Variants in MARCHF1 observed in about 807,000 individuals in gnomAD.
MARCHF1 encodes the protein E3 ubiquitin-protein ligase MARCHF1.
A neutral mutation model predicts 54.2 loss-of-function variants in MARCHF1; 40 were observed. The ratio of observed to expected loss-of-function variants is 0.74; its 90% CI spans 0.57 to 0.96. MARCHF1 has a LOEUF of 0.96. MARCHF1 is among the 40% of genes least tolerant of loss of function. The pLI is 0.00. For missense variants in MARCHF1, 586 were observed against 656.5 expected (o/e 0.89, Z 1.17); for synonymous variants, 236 against 236.3 (o/e 1.00, Z 0.01).
At chr4:164,009,704 T>G (rs1444494297) in intron 2 of MARCHF1, among the ~76,000 whole-genome samples, 2 of 152,110 alleles carry the variant, frequency 1.3e-5, no homozygotes, top group Admixed American at 1.3e-4. Context: ...ATGTGATTAT[T>G]GCAATAGATG....
chr4:164,044,670 CT>C (rs1334751106), intron 2 of MARCHF1, among the ~76,000 whole-genome samples: 1 of 152,092 alleles, frequency 6.6e-6, no homozygotes, highest in African/African-American at 2.4e-5. Flanking sequence ...TACTTGCTTT[CT>C]ATCTTTCTCT....
At chr4:164,258,034 A>C (rs980010275) in intron 1 of MARCHF1, among the ~76,000 whole-genome samples, 1 of 152,196 alleles carries the variant, frequency 6.6e-6, no homozygotes, top group Non-Finnish European at 1.5e-5. Flanking sequence ...TGGATAAAGA[A>C]AATGTGGTAC....
At chr4:163,586,685 T>C (rs984783873) in intron 7 of MARCHF1, among the ~76,000 whole-genome samples, 11 of 152,220 alleles carry the variant, frequency 7.2e-5, no homozygotes, top group Non-Finnish European at 1.6e-4. Flanking sequence ...AACAGGATAC[T>C]ATCTATGGGC....
intron 9 of MARCHF1, among the ~76,000 whole-genome samples, chr4:163,529,535 G>A (rs1738273077): frequency 6.6e-6 from 1 of 152,004 alleles, no homozygotes; most frequent in Non-Finnish European, 1.5e-5. Context: ...AGGAATGGAA[G>A]AAGGGAGATG....
At chr4:163,591,329 A>C (rs373942579) in intron 7 of MARCHF1, among the ~76,000 whole-genome samples, 1 of 151,984 alleles carries the variant, frequency 6.6e-6, no homozygotes. Context: ...GACTCATCTA[A>C]ATTTCAGACT....
At chr4:164,256,770 A>G (rs1733300322) in intron 1 of MARCHF1, among the ~76,000 whole-genome samples, 1 of 152,204 alleles carries the variant, frequency 6.6e-6, no homozygotes. Flanking sequence ...AATCAAAAGA[A>G]GGCTTCAGTA....
At chr4:163,641,262 T>C (rs1579147216) in intron 5 of MARCHF1, among the ~76,000 whole-genome samples, 3 of 152,118 alleles carry the variant, frequency 2.0e-5, no homozygotes, top group African/African-American at 7.2e-5. Context: ...AAAATGACAG[T>C]TTAATTTTGA....
chr4:163,786,808 G>A (rs1747634473), intron 4 of MARCHF1, among the ~76,000 whole-genome samples: 1 of 151,926 alleles, frequency 6.6e-6, no homozygotes, highest in Non-Finnish European at 1.5e-5. Flanking sequence ...AACAAAATTA[G>A]TGGCCTCACA....
intron 2 of MARCHF1, among the ~76,000 whole-genome samples, chr4:164,009,175 GC>G (rs1226785165): frequency 6.6e-6 from 1 of 151,936 alleles, no homozygotes; most frequent in Non-Finnish European, 1.5e-5. Context: ...ACTATTATGA[GC>G]AACTACACAC....
Position 163,613,371 on chromosome 4 carries a change from G to C in MARCHF1, c.185C>G (p.Thr62Arg). 2 of 1,613,278 alleles carry C rather than the reference G, an allele frequency of 1.2e-6. No homozygotes were observed. The highest frequency in any genetic ancestry group is 4.5e-5 in the East Asian group (2 of 44,862). Reference sequence around the variant, plus strand: ...CAACCTTGACTGGCTCCTGGGAGCTGTCCCTGTTGTTGGGCTGCTTGCCTG... The same window carrying C: ...CAACCTTGACTGGCTCCTGGGAGCTCTCCCTGTTGTTGGGCTGCTTGCCTG... The part of the protein sequence containing the change: ...ISKASSPTTG[T>R]APRSQSRLSV... Residue 62 changes from threonine to arginine, a missense_variant, in exon 6 of 10, where the codon ACA becomes AGA. Coordinates refer to ENST00000514618, the MANE Select transcript of MARCHF1 (RefSeq NM_001394959.1).
intron 4 of MARCHF1, among the ~76,000 whole-genome samples, chr4:163,729,272 G>A (rs1745758539): frequency 6.6e-6 from 1 of 151,796 alleles, no homozygotes; most frequent in Non-Finnish European, 1.5e-5. Flanking sequence ...TCTGATTTTG[G>A]TTTTAGGGTA....
At chr4:164,039,783 A>G (rs1424789723) in intron 2 of MARCHF1, among the ~76,000 whole-genome samples, 1 of 151,968 alleles carries the variant, frequency 6.6e-6, no homozygotes, top group African/African-American at 2.4e-5. Context: ...AATTCTTGAC[A>G]TGGTTTCAGA....
intron 1 of MARCHF1, among the ~76,000 whole-genome samples, chr4:164,346,054 T>C (rs1475294929): frequency 6.6e-6 from 1 of 152,190 alleles, no homozygotes; most frequent in East Asian, 1.9e-4. Flanking sequence ...GTTTGATTGG[T>C]ACTAAAACAA....
chr4:164,253,048 CAACAGTGGTAT>C (rs1733171612), intron 1 of MARCHF1, among the ~76,000 whole-genome samples: 1 of 151,906 alleles, frequency 6.6e-6, no homozygotes, highest in Admixed American at 6.6e-5. Context: ...TAAAATAAAA[CAACAGTGGTAT>C]AACAATAAAT....
chr4:163,797,691 T>G (rs542272031), intron 4 of MARCHF1, among the ~76,000 whole-genome samples: 1 of 152,120 alleles, frequency 6.6e-6, no homozygotes, highest in Non-Finnish European at 1.5e-5. Flanking sequence ...ATTTCATTTA[T>G]TATTTTTATT....
intron 3 of MARCHF1, among the ~76,000 whole-genome samples, chr4:163,978,635 C>T (rs1403531933): frequency 2.6e-5 from 4 of 152,142 alleles, no homozygotes; most frequent in Non-Finnish European, 4.4e-5. Flanking sequence ...ATGCTTTTAA[C>T]CACCTTACTC....
At chr4:164,343,008 T>C (rs1729973407) in intron 1 of MARCHF1, among the ~76,000 whole-genome samples, 1 of 152,122 alleles carries the variant, frequency 6.6e-6, no homozygotes, top group African/African-American at 2.4e-5. Context: ...GAGAGGCTGA[T>C]CAAAGTATAT....
chr4:163,652,414 T>G (rs1457200197), intron 5 of MARCHF1, among the ~76,000 whole-genome samples: 2 of 151,826 alleles, frequency 1.3e-5, no homozygotes, highest in Non-Finnish European at 2.9e-5. Flanking sequence ...ATTCACTTCT[T>G]TTCTGTTCCT....
intron 7 of MARCHF1, among the ~76,000 whole-genome samples, chr4:163,590,310 T>A (rs986621940): frequency 6.6e-6 from 1 of 151,896 alleles, no homozygotes; most frequent in African/African-American, 2.4e-5. Flanking sequence ...CGCTGGAAAT[T>A]ATTAAACTCT....
Sources: gnomAD v4.1 joint callset for allele counts (sites outside exome capture counted in the v4.1 genomes callset) on GRCh38, gnomAD v4.1.1 for gene constraint, MANE v1.5 for transcripts, NCBI Gene and HGNC (gene_info 2026-07-23, HGNC 2026-07-21) for gene names.